BLTP1: variants seen among roughly 807,000 people sequenced by gnomAD.
BLTP1 encodes bridge-like lipid transfer protein family member 1.
At chr4:122,359,753 T>G in the BLTP1 span, 2 of 1,564,898 alleles carry the variant, frequency 1.3e-6, no homozygotes, top group South Asian at 2.4e-5. Context: ...TTTACCCATA[T>G]GCTAAGGGAT....
At chr4:122,345,952 G>A in the BLTP1 span, 3 of 875,136 alleles carry the variant, frequency 3.4e-6, no homozygotes, top group Admixed American at 6.2e-5. Flanking sequence ...GAGCAGTGAA[G>A]CCATTAACTT....
At chr4:122,240,220 T>C in the BLTP1 span, 635 of 1,614,162 alleles carry the variant, frequency 3.9e-4, 2 homozygotes, top group African/African-American at 7.4e-3. Flanking sequence ...TTCCAGGTAA[T>C]TAATTGGTCA....
At chr4:122,179,242 G>C in the BLTP1 span, among the ~76,000 whole-genome samples, 139 of 152,176 alleles carry the variant, frequency 9.1e-4, no homozygotes, top group African/African-American at 3.2e-3. Context: ...ACTCCAGCCT[G>C]GGTGGCAGAG....
At chr4:122,238,226 A>AGT in the BLTP1 span, 1 of 1,613,476 alleles carries the variant, frequency 6.2e-7, no homozygotes, top group Non-Finnish European at 8.5e-7. Flanking sequence ...AGAAGAGAAC[A>AGT]GTAGTTCTAG....
the BLTP1 span, chr4:122,272,062 G>A: frequency 3.5e-6 from 5 of 1,409,264 alleles, no homozygotes; most frequent in South Asian, 4.2e-5. Flanking sequence ...AGGACTGGTT[G>A]GGAATGTGAA....
the BLTP1 span, chr4:122,298,651 G>GGAACATTATACTTCTGTTTA: frequency 3.6e-6 from 2 of 554,796 alleles, no homozygotes; most frequent in Non-Finnish European, 4.6e-6. Context: ...ACTTCTGTTT[G>GGAACATTATACTTCTGTTTA]GAACATTAGG....
At chr4:122,356,188 TGAA>T in the BLTP1 span, among the ~76,000 whole-genome samples, 7 of 152,218 alleles carry the variant, frequency 4.6e-5, no homozygotes, top group South Asian at 1.0e-3. Flanking sequence ...CTCAGTAAAA[TGAA>T]GAAGAATAAT....
At chr4:122,331,632 C>T in the BLTP1 span, 1 of 1,467,476 alleles carries the variant, frequency 6.8e-7, no homozygotes, top group Non-Finnish European at 9.0e-7. Context: ...TTCTCCATCC[C>T]AAAATGCAGA....
chr4:122,292,585 T>C, the BLTP1 span: 2 of 921,842 alleles, frequency 2.2e-6, no homozygotes, highest in Non-Finnish European at 2.6e-6. Flanking sequence ...TGTTAGGTAA[T>C]ATAACATGAA....
chr4:122,251,198 C>A, the BLTP1 span: 3 of 876,470 alleles, frequency 3.4e-6, no homozygotes, highest in Non-Finnish European at 4.1e-6. Flanking sequence ...GACCTTGCAG[C>A]GTTGTGAAGA....
the BLTP1 span, chr4:122,336,922 CCA>C: frequency 6.2e-7 from 1 of 1,610,618 alleles, no homozygotes; most frequent in South Asian, 1.1e-5. Context: ...TTTTGAAATA[CCA>C]GATCCTATGG....
At chr4:122,200,237 C>T in the BLTP1 span, 1 of 984,718 alleles carries the variant, frequency 1.0e-6, no homozygotes, top group African/African-American at 1.7e-5. Flanking sequence ...ATAAATAGTG[C>T]TGTGTGACAA....
chr4:122,226,639 G>A, the BLTP1 span: 39 of 1,587,316 alleles, frequency 2.5e-5, no homozygotes, highest in Non-Finnish European at 3.2e-5. Flanking sequence ...TTCTTCAGAA[G>A]CTTTTGAACT....
chr4:122,238,029 A>G, the BLTP1 span: 4 of 1,521,836 alleles, frequency 2.6e-6, no homozygotes, highest in South Asian at 2.6e-5. Context: ...TTAGATTGCC[A>G]TGTTTTTTAT....
At chr4:122,227,907 T>C in the BLTP1 span, among the ~76,000 whole-genome samples, 1 of 151,332 alleles carries the variant, frequency 6.6e-6, no homozygotes, top group South Asian at 2.1e-4. Context: ...GTTTTTATGT[T>C]GCATTAAAAT....
At chr4:122,163,006 C>T in the BLTP1 span, among the ~76,000 whole-genome samples, 4 of 152,060 alleles carry the variant, frequency 2.6e-5, no homozygotes, top group Non-Finnish European at 5.9e-5. Context: ...AAATATTGTG[C>T]GCCTTCAGTC....
At chr4:122,256,859 A>G in the BLTP1 span, 1 of 331,822 alleles carries the variant, frequency 3.0e-6, no homozygotes, top group African/African-American at 2.2e-5. Flanking sequence ...TTTGAAGGAA[A>G]TAATTTTACT....
chr4:122,261,179 A>G, the BLTP1 span: 2 of 491,856 alleles, frequency 4.1e-6, no homozygotes, highest in South Asian at 8.7e-5. Flanking sequence ...ATAGTTTGAT[A>G]TACTTTAAAA....
chr4:122,186,030 C>T, the BLTP1 span: 1 of 1,562,314 alleles, frequency 6.4e-7, no homozygotes, highest in Non-Finnish European at 8.6e-7. Context: ...TAATTGGTGT[C>T]TTTAGATCCA....
Sources: allele counts gnomAD v4.1 joint callset (sites outside exome capture counted in the v4.1 genomes callset), GRCh38; gene constraint gnomAD v4.1.1; transcripts MANE v1.5; gene names NCBI Gene and HGNC (gene_info 2026-07-23, HGNC 2026-07-21).